SHCBP1: variants seen among roughly 807,000 people sequenced by gnomAD.
SHCBP1 encodes SHC binding and spindle associated 1.
In SHCBP1, 60 loss-of-function variants were observed where a neutral mutation model predicts 75.1. That is an observed-to-expected ratio of 0.80 (90% confidence interval 0.65 to 0.99). The LOEUF is 0.99. SHCBP1 is among the 50% of genes least tolerant of loss of function. The pLI, the probability that SHCBP1 is intolerant of heterozygous loss-of-function variation, is 0.00. For synonymous variants in SHCBP1, 290 were observed against 293.2 expected (o/e 0.99, Z 0.11); for missense variants, 709 against 809.4 (o/e 0.88, Z 1.50).
In SHCBP1 at chr16:46,617,680, C is replaced by T; in HGVS notation, c.341G>A (p.Gly114Glu). The change falls in exon 3 of 13, where the codon GGA becomes GAA. Residue 114 changes from glycine (G) to glutamate (E), a missense_variant. Coordinates refer to ENST00000303383, the MANE Select transcript of SHCBP1 (RefSeq NM_024745.5). ...ATTAGTGTGCCAGACTGCCCGCCAT[C>T]CAGATGGCTCAAGGACCTTCTCCAA... is the stretch of plus-strand genomic sequence containing the variant. Reference protein sequence around the residue: ...EFLEKVLEPSGWRAVWHTNVF... With the variant: ...EFLEKVLEPSEWRAVWHTNVF... The T allele has an allele frequency of 6.2e-7, 1 of 1,613,670 alleles. No individual in the cohort carries two copies. Among genetic ancestry groups the T allele is most frequent in the Non-Finnish European group, 8.5e-7 (1 of 1,180,016 alleles).
Position 46,616,040 on chromosome 16 carries a change from G to C in SHCBP1, c.502C>G (p.Leu168Val), listed in dbSNP as rs942573950. Residue 168 changes from leucine to valine, a missense_variant, in exon 4 of 13, where the codon CTG becomes GTG. Leu to Val is a conservative substitution (Grantham distance 32). Coordinates refer to ENST00000303383, the MANE Select transcript of SHCBP1 (RefSeq NM_024745.5). The surrounding 1 kb of genome is among the most constrained non-coding windows in gnomAD (Gnocchi z 4.4). ...TMECMKELLD[L>V]KEHRLPLQEL... Reference sequence around the variant, plus strand: ...TGCAGGGGCAACCGATGCTCCTTCAGATCAAGGAGCTCCTTCATGCACTCC... The same window carrying C: ...TGCAGGGGCAACCGATGCTCCTTCACATCAAGGAGCTCCTTCATGCACTCC... 6 of 1,614,062 alleles carry C rather than the reference G, an allele frequency of 3.7e-6. No individual in the cohort carries two copies. The African/African-American group carries it at 8.0e-5, about 22-fold the overall frequency.
rs764770611 is a variant in SHCBP1, at chr16:46,583,527, T to C, written c.1682A>G (p.Asp561Gly). The C allele has an allele frequency of 3.1e-6, 5 of 1,595,924 alleles. No individual in the cohort carries two copies. The Admixed American group carries it at 5.6e-5, about 18-fold the overall frequency. ...IFSDLQENAE[D>G]GTEENKALKI... The stretch of plus-strand genomic sequence containing the variant: ...ATTACTAAATATACCTTCAGTTCCA[T>C]CTTCAGCATTTTCTTGCAGGTCAGA... The change falls in exon 12 of 13, where the codon GAT (aspartate) becomes GGT (glycine). Residue 561 changes from aspartate (D) to glycine (G), a missense_variant. By Grantham distance (94) the Asp-to-Gly change is moderately conservative. Transcript: ENST00000303383.
Position 46,580,604 on chromosome 16 carries a change from A to C in SHCBP1, c.*1125T>G, listed in dbSNP as rs1273745858. 1 of 152,232 alleles carries C rather than the reference A, an allele frequency of 6.6e-6. No individual in the cohort carries two copies. The highest frequency in any genetic ancestry group is 1.5e-5 in the Non-Finnish European group (1 of 68,036). 9.4% of individuals were successfully genotyped at this position (152,232 alleles called of 1,614,324 possible). On this transcript the variant is annotated 3_prime_UTR_variant, in exon 13 of 13. Transcript: ENST00000303383. Reference sequence around the variant, plus strand: ...TAATCATTAGGCATATTAATGTCACATACAGTTTTTAAAATATAAATATTT... The same window carrying C: ...TAATCATTAGGCATATTAATGTCACCTACAGTTTTTAAAATATAAATATTT...
rs758677480 is a variant in SHCBP1, at chr16:46,595,537, G to C, written c.1464+15C>G. The C allele has an allele frequency of 4.4e-6, 7 of 1,595,052 alleles. No homozygotes were observed. Among genetic ancestry groups the C allele is most frequent in the Non-Finnish European group, 6.0e-6 (7 of 1,162,750 alleles). Reference sequence around the variant, plus strand: ...TAAACACAAACTACTTCCCCAAGAGGACAAGAGCTTCTACCTTGGCGCCAT... The same window carrying C: ...TAAACACAAACTACTTCCCCAAGAGCACAAGAGCTTCTACCTTGGCGCCAT... On this transcript the variant is annotated intron_variant, in intron 10 of 12. Transcript: ENST00000303383.
intron 9 of SHCBP1, among the ~76,000 whole-genome samples, chr16:46,598,528 C>T (rs1342747686): frequency 6.6e-6 from 1 of 151,990 alleles, no homozygotes; most frequent in African/African-American, 2.4e-5. Flanking sequence ...ACATTATAAA[C>T]AGATGTGCTA....
chr16:46,593,597 T>G (rs1239677604), intron 10 of SHCBP1, among the ~76,000 whole-genome samples: 1 of 152,030 alleles, frequency 6.6e-6, no homozygotes, highest in Non-Finnish European at 1.5e-5. Context: ...GTTAGCTCAG[T>G]GTTGTGCCAT....
At chr16:46,595,792 T>A in intron 9 of SHCBP1, 122 bp from the exon 10 acceptor site, 8 of 589,364 alleles carry the variant, frequency 1.4e-5, no homozygotes, top group Non-Finnish European at 2.3e-5. Flanking sequence ...ATTTAAATTT[T>A]CTTACCTAAA....
Position 46,595,672 on chromosome 16 carries a change from T to C in SHCBP1, c.1346-2A>G. The C allele has an allele frequency of 1.9e-6, 3 of 1,610,664 alleles. No individual in the cohort carries two copies. The highest frequency in any genetic ancestry group is 2.5e-6 in the Non-Finnish European group (3 of 1,177,120). On this transcript the variant is annotated splice_acceptor_variant, in intron 9 of 12. Coordinates refer to ENST00000303383, the MANE Select transcript of SHCBP1 (RefSeq NM_024745.5). LOFTEE classifies it high-confidence loss of function. Reference sequence around the variant, plus strand: ...GCGTAGTCTTACCACGGTGAACAACTGGGATGAAAATACACGCTGACTGTT... The same window carrying C: ...GCGTAGTCTTACCACGGTGAACAACCGGGATGAAAATACACGCTGACTGTT...
In SHCBP1 at chr16:46,616,145, C is replaced by T. The variant is rs368228161; in HGVS notation, c.397G>A (p.Val133Met). The T allele has an allele frequency of 1.2e-6, 2 of 1,612,962 alleles. No homozygotes were observed. The highest frequency in any genetic ancestry group is 2.7e-5 in the African/African-American group (2 of 74,916). The change falls in exon 4 of 13, where the codon GTG becomes ATG. Residue 133 changes from valine (V) to methionine (M), a missense_variant. Val to Met is a conservative substitution (Grantham distance 21). Coordinates refer to ENST00000303383, the MANE Select transcript of SHCBP1 (RefSeq NM_024745.5). This position sits in a 1 kb window ranked among gnomAD's most constrained non-coding sequence, Gnocchi z 4.4. ...ACTGCCTTCAAGGCTGCAAAGTCCA[C>T]ATCTGTGATCTGAAATTTAAAATAA... Reference protein sequence around the residue: ...VFKVLVEITDVDFAALKAVVR... With the variant: ...VFKVLVEITDMDFAALKAVVR...
chr16:46,613,403 G>C (rs1188038690), intron 4 of SHCBP1, among the ~76,000 whole-genome samples: 1 of 152,156 alleles, frequency 6.6e-6, no homozygotes, highest in African/African-American at 2.4e-5. Flanking sequence ...GCTTCCCACT[G>C]CTCTTAAAGA....
chr16:46,595,664 T>G lies in SHCBP1; in HGVS notation c.1352A>C (p.His451Pro). The G allele has an allele frequency of 6.2e-7, 1 of 1,612,898 alleles. No homozygotes were observed. Among genetic ancestry groups the G allele is most frequent in the Non-Finnish European group, 8.5e-7 (1 of 1,179,106 alleles). The change falls in exon 10 of 13, where the codon CAC (histidine) becomes CCC (proline). Residue 451 changes from histidine (H) to proline (P), a missense_variant. His to Pro is a moderately conservative substitution (Grantham distance 77). Transcript: ENST00000303383. ...GTTTTCCAGCGTAGTCTTACCACGG[T>G]GAACAACTGGGATGAAAATACACGC... ...HDAVEGILIV[H>P]RGKTTLENCV...
chr16:46,596,506 T>C (rs1279775917), intron 9 of SHCBP1, among the ~76,000 whole-genome samples: 1 of 151,800 alleles, frequency 6.6e-6, no homozygotes, highest in Non-Finnish European at 1.5e-5. Context: ...GACCTCTGCC[T>C]CTTGGTTTCA....
intron 4 of SHCBP1, among the ~76,000 whole-genome samples, chr16:46,615,045 G>A (rs1965473510): frequency 6.6e-6 from 1 of 152,192 alleles, no homozygotes; most frequent in South Asian, 2.1e-4. Context: ...CCCTGAGGCA[G>A]CAAGACCAAT....
At chr16:46,608,744 C>G (rs892954541) in intron 4 of SHCBP1, among the ~76,000 whole-genome samples, 1 of 151,722 alleles carries the variant, frequency 6.6e-6, no homozygotes, top group East Asian at 2.0e-4. Flanking sequence ...GCTGAGATGG[C>G]ACCCACCACC....
intron 4 of SHCBP1, among the ~76,000 whole-genome samples, chr16:46,609,463 T>C (rs1179058607): frequency 7.3e-6 from 1 of 137,832 alleles, no homozygotes; most frequent in Admixed American, 7.2e-5. Flanking sequence ...TTTTTTTTTT[T>C]TTTTTGAGAT....
chr16:46,620,339 T>C (rs1965566501), intron 1 of SHCBP1: 1 of 152,234 alleles, frequency 6.6e-6, no homozygotes, highest in Non-Finnish European at 1.5e-5. Context: ...TCACACTGCA[T>C]AACTGAAACT....
At chr16:46,606,823 CTTT>C (rs778227259) in intron 5 of SHCBP1, among the ~76,000 whole-genome samples, 4 of 143,626 alleles carry the variant, frequency 2.8e-5, no homozygotes, top group African/African-American at 5.1e-5. Flanking sequence ...GACTTTCAAA[CTTT>C]TTTTTTTTTT....
In SHCBP1 at chr16:46,616,108, G is replaced by A; in HGVS notation, c.434C>T (p.Ala145Val). 3.1e-6 allele frequency: 5 copies of A among 1,614,150 alleles called. No homozygotes were observed. The highest frequency in any genetic ancestry group is 4.2e-6 in the Non-Finnish European group (5 of 1,180,030). ...TTGAGAGTCACAGAGGTATGGTTCAGCAAGCCTCACCACTGCCTTCAAGGC... is the reference window on the plus strand; with the variant it reads ...TTGAGAGTCACAGAGGTATGGTTCAACAAGCCTCACCACTGCCTTCAAGGC... ...FAALKAVVRL[A>V]EPYLCDSQVS... The change falls in exon 4 of 13, where the codon GCT becomes GTT. Residue 145 changes from alanine (A) to valine (V), a missense_variant. Ala to Val is a moderately conservative substitution (Grantham distance 64). Coordinates refer to ENST00000303383, the MANE Select transcript of SHCBP1 (RefSeq NM_024745.5). This position sits in a 1 kb window ranked among gnomAD's most constrained non-coding sequence, Gnocchi z 4.4.
chr16:46,603,107 T>C (rs780868231), intron 8 of SHCBP1, among the ~76,000 whole-genome samples: 2 of 152,040 alleles, frequency 1.3e-5, no homozygotes, highest in Admixed American at 1.3e-4. Context: ...AAGCTAAGTG[T>C]GAAACAAAAA....
Sources: allele counts gnomAD v4.1 joint callset (sites outside exome capture counted in the v4.1 genomes callset), GRCh38; gene constraint gnomAD v4.1.1; non-coding constraint Gnocchi (gnomAD v3.1); transcripts MANE v1.5; gene names NCBI Gene and HGNC (gene_info 2026-07-23, HGNC 2026-07-21).